NAALADL2: variants seen among roughly 807,000 people sequenced by gnomAD.
The protein encoded by NAALADL2 is N-acetylated alpha-linked acidic dipeptidase like 2, also known as inactive N-acetylated-alpha-linked acidic dipeptidase-like protein 2.
NAALADL2 carries 76 observed loss-of-function variants against 87.2 expected under a neutral mutation model. The ratio of observed to expected loss-of-function variants is 0.87; its 90% CI spans 0.72 to 1.05. NAALADL2 has a LOEUF of 1.05. Ranked by LOEUF, NAALADL2 falls within the 50% of genes least tolerant of loss-of-function variation. The probability of loss-of-function intolerance (pLI) is 0.00; values close to 1 mark genes in which losing one functional copy is unlikely to be tolerated. For synonymous variants in NAALADL2, 354 were observed against 331.0 expected, an observed-to-expected ratio of 1.07 and a Z score of -0.75; for missense variants, 1,089 against 945.8, an observed-to-expected ratio of 1.15 and a Z score of -1.99.
At chr3:175,388,394 G>A (rs549993805) in intron 5 of NAALADL2, among the ~76,000 whole-genome samples, 1 of 152,138 alleles carries the variant, frequency 6.6e-6, no homozygotes, top group South Asian at 2.1e-4. Context: ...GACATTGCTA[G>A]ACATTATGTA....
chr3:174,668,726 C>A (rs1444310864), intron 2 of NAALADL2, among the ~76,000 whole-genome samples: 1 of 152,176 alleles, frequency 6.6e-6, no homozygotes, highest in African/African-American at 2.4e-5. Flanking sequence ...CCAGCTTCAT[C>A]CATGTCCCTA....
chr3:174,951,091 A>G lies in NAALADL2; in HGVS notation c.43+91641A>G, dbSNP rs547397023. ...AAGAAAAATAATTTTACATAAAAAG[A>G]GAATAATGCTTAAAATTTCAAATTA... On this transcript the variant is annotated intron_variant, in intron 1 of 13. Coordinates refer to ENST00000454872, the MANE Select transcript of NAALADL2 (RefSeq NM_207015.3). 1.4e-3 allele frequency among the ~76,000 whole-genome samples: 211 copies of G among 152,284 alleles called. 1 individual carries two copies. The highest frequency in any genetic ancestry group is 4.8e-3 in the African/African-American group (199 of 41,588).
chr3:174,758,181 G>A (rs1291919603), intron 3 of NAALADL2, among the ~76,000 whole-genome samples: 2 of 152,150 alleles, frequency 1.3e-5, no homozygotes, highest in African/African-American at 2.4e-5. Flanking sequence ...CTCAAAAAGA[G>A]AAAACCATAG....
At chr3:175,613,233 T>G (rs1296806050) in intron 10 of NAALADL2, among the ~76,000 whole-genome samples, 2 of 152,216 alleles carry the variant, frequency 1.3e-5, no homozygotes, top group African/African-American at 4.8e-5. Flanking sequence ...CTTAACGTTA[T>G]GGTACTAATT....
At chr3:174,550,736 C>T (rs529836346) in intron 2 of NAALADL2, 1 of 152,006 alleles carries the variant, frequency 6.6e-6, no homozygotes, top group South Asian at 2.1e-4. Flanking sequence ...AGTATGCTTA[C>T]AATATGTGCA....
intron 10 of NAALADL2, among the ~76,000 whole-genome samples, chr3:175,597,760 C>T (rs1426920495): frequency 6.6e-6 from 1 of 152,010 alleles, no homozygotes; most frequent in Non-Finnish European, 1.5e-5. Flanking sequence ...AAATCCCCCT[C>T]TCATCAAAGG....
chr3:174,857,382 T>G (rs1157617386), upstream of NAALADL2, among the ~76,000 whole-genome samples: 4 of 152,288 alleles, frequency 2.6e-5, no homozygotes, highest in Non-Finnish European at 5.9e-5. Context: ...GTGTTTATAT[T>G]TGTATGGATT....
At chr3:174,527,607 C>T (rs1720883404) in intron 1 of NAALADL2, among the ~76,000 whole-genome samples, 1 of 151,610 alleles carries the variant, frequency 6.6e-6, no homozygotes, top group Non-Finnish European at 1.5e-5. Flanking sequence ...AGACTTTTGT[C>T]AAAGCCATCT....
At chr3:175,704,450 G>C (rs1469042439) in intron 11 of NAALADL2, among the ~76,000 whole-genome samples, 2 of 145,340 alleles carry the variant, frequency 1.4e-5, no homozygotes, top group Non-Finnish European at 3.0e-5. Context: ...CAGAAAAATA[G>C]ATGTGAAATA....
intron 13 of NAALADL2, among the ~76,000 whole-genome samples, chr3:175,758,777 G>A (rs1747601651): frequency 6.6e-6 from 1 of 151,950 alleles, no homozygotes; most frequent in Non-Finnish European, 1.5e-5. Context: ...AGAACATTTG[G>A]TGAACAGGGT....
intron 2 of NAALADL2, among the ~76,000 whole-genome samples, chr3:174,633,267 A>C (rs2108703853): frequency 6.6e-6 from 1 of 152,320 alleles, no homozygotes; most frequent in Middle Eastern, 3.4e-3. Flanking sequence ...TTAAAAATAT[A>C]ATTATTCCTT....
intron 1 of NAALADL2, among the ~76,000 whole-genome samples, chr3:174,488,495 T>TG (rs1031079904): frequency 1.3e-5 from 2 of 152,098 alleles, no homozygotes; most frequent in African/African-American, 4.8e-5. Flanking sequence ...TAGGCACTGA[T>TG]GCTTTTAATG....
At chr3:175,369,642 T>C (rs928320838) in intron 5 of NAALADL2, 1 of 152,422 alleles carries the variant, frequency 6.6e-6, no homozygotes, top group Non-Finnish European at 1.5e-5. Context: ...AGTGCATGTG[T>C]GTGTATGTGT....
At chr3:174,875,433 G>T (rs1024602358) in intron 1 of NAALADL2, among the ~76,000 whole-genome samples, 14 of 152,140 alleles carry the variant, frequency 9.2e-5, no homozygotes, top group Admixed American at 7.2e-4. Flanking sequence ...TGAACCACTG[G>T]TTGACAGACC....
intron 3 of NAALADL2, among the ~76,000 whole-genome samples, chr3:174,786,465 A>T (rs1453046947): frequency 1.0e-4 from 12 of 117,036 alleles, no homozygotes; most frequent in African/African-American, 3.7e-4. Context: ...AAAAAAAAAA[A>T]ATAATAAATA....
intron 1 of NAALADL2, among the ~76,000 whole-genome samples, chr3:174,978,214 C>G (rs1270049458): frequency 1.3e-5 from 2 of 152,190 alleles, no homozygotes; most frequent in Non-Finnish European, 2.9e-5. Flanking sequence ...TCAAGCGTGA[C>G]AATGTGTTTA....
intron 9 of NAALADL2, among the ~76,000 whole-genome samples, chr3:175,537,222 T>G (rs1461636844): frequency 1.3e-5 from 2 of 152,206 alleles, no homozygotes; most frequent in African/African-American, 2.4e-5. Context: ...TTCATGTGCC[T>G]TTTTTGAATA....
At chr3:175,652,076 T>C (rs1387109546) in intron 11 of NAALADL2, among the ~76,000 whole-genome samples, 1 of 152,186 alleles carries the variant, frequency 6.6e-6, no homozygotes, top group East Asian at 1.9e-4. Flanking sequence ...GGTGCTAGCT[T>C]GTTTGTCTTT....
At chr3:174,846,431 G>A (rs1157516075) in intron 3 of NAALADL2, among the ~76,000 whole-genome samples, 5 of 152,098 alleles carry the variant, frequency 3.3e-5, no homozygotes, top group Non-Finnish European at 7.4e-5. Context: ...CATCACTCTA[G>A]CTCTCTGAAA....
Sources: allele counts gnomAD v4.1 joint callset (sites outside exome capture counted in the v4.1 genomes callset), GRCh38; gene constraint gnomAD v4.1.1; transcripts MANE v1.5; gene names NCBI Gene and HGNC (gene_info 2026-07-23, HGNC 2026-07-21).